The following ANKRD36C variants were observed in gnomAD, a reference collection of about 807,000 sequenced individuals.
ANKRD36C encodes the protein ankyrin repeat domain-containing protein 36C.
ANKRD36C carries 61 observed loss-of-function variants against 276.4 expected under a neutral mutation model. The observed-to-expected ratio is 0.22, with a 90% CI of 0.18 to 0.27. ANKRD36C has a LOEUF of 0.27. Among genes scored for constraint, ANKRD36C ranks in the 10% least tolerant of loss-of-function variants. The pLI is 1.00. For synonymous variants in ANKRD36C, 483 were observed against 680.1 expected, an observed-to-expected ratio of 0.71 and a Z score of 4.51; for missense variants, 1,447 against 2,032.3, an observed-to-expected ratio of 0.71 and a Z score of 5.54.
intron 6 of ANKRD36C, among the ~76,000 whole-genome samples, chr2:95,976,495 C>G (rs1678812323): frequency 6.6e-6 from 1 of 152,118 alleles, no homozygotes; most frequent in Non-Finnish European, 1.5e-5. Context: ...TCAGGGGTTT[C>G]AGTACAAACT....
chr2:95,974,890 GA>G (rs1678774014), intron 6 of ANKRD36C, among the ~76,000 whole-genome samples: 1 of 145,922 alleles, frequency 6.9e-6, no homozygotes, highest in African/African-American at 2.6e-5. Flanking sequence ...ACCTATGAGT[GA>G]GAACATGTGG....
intron 60 of ANKRD36C, among the ~76,000 whole-genome samples, chr2:95,862,365 G>A (rs964187571): frequency 2.6e-5 from 4 of 152,006 alleles, no homozygotes; most frequent in South Asian, 2.1e-4. Flanking sequence ...ATTAAAGACC[G>A]ATAACAAAAA....
intron 12 of ANKRD36C, among the ~76,000 whole-genome samples, chr2:95,958,294 T>C (rs779268638): frequency 1.3e-5 from 2 of 151,420 alleles, no homozygotes; most frequent in East Asian, 1.9e-4. Flanking sequence ...TTGATGGAGA[T>C]ACGCTGTAGA....
At chr2:95,915,588 A>G (rs1677068111) in intron 38 of ANKRD36C, among the ~76,000 whole-genome samples, 1 of 151,432 alleles carries the variant, frequency 6.6e-6, no homozygotes, top group South Asian at 2.1e-4. Flanking sequence ...TACAGTGTCT[A>G]CCGGTTATTA....
chr2:95,886,360 G>C lies in ANKRD36C; in HGVS notation c.3062-116C>G, dbSNP rs1573740233. 1.1e-5 allele frequency: 10 copies of C among 889,526 alleles called. No homozygotes were observed. In the East Asian group the frequency reaches 2.7e-4, roughly 24 times the overall value. The allele number at this position is 889,526 out of a possible 1,614,324, so 55.1% of individuals were successfully genotyped here. A position where few individuals can be genotyped will look rare whatever the true frequency, so the allele number is the denominator to read the frequency against. ...GTCTGCAGTTATTAGTGTAGGCTTT[G>C]ATGCTTTATACTTTGTGTTTTGGGA... On this transcript the variant is annotated intron_variant, in intron 50 of 66. Coordinates refer to ENST00000456556, the Ensembl canonical transcript of ANKRD36C.
chr2:95,928,578 C>A (rs186798874), intron 26 of ANKRD36C, among the ~76,000 whole-genome samples: 1 of 151,424 alleles, frequency 6.6e-6, no homozygotes, highest in Non-Finnish European at 1.5e-5. Context: ...TACATAAATA[C>A]CTTCTTTTTC....
intron 10 of ANKRD36C, 99 bp downstream of exon 10, chr2:95,960,374 A>G: frequency 7.1e-7 from 1 of 1,404,864 alleles, no homozygotes; most frequent in South Asian, 1.3e-5. Context: ...CTGAATCAGA[A>G]TGTGCAGCTT....
rs1199955203 is a variant in ANKRD36C, at chr2:95,975,538, A to G, written c.799+2584T>C. On this transcript the variant is annotated intron_variant, in intron 6 of 66. Transcript: ENST00000456556. ...ACAAGCAATGGGGAAAGGATTCCCT[A>G]TTTAATAAATGGTGCTGGGAAAACT... Among the ~76,000 whole-genome samples the G allele has an allele frequency of 5.3e-4, 81 of 152,320 alleles. 1 individual carries two copies. Among genetic ancestry groups the G allele is most frequent in the Admixed American group, 4.3e-3 (66 of 15,292 alleles).
intron 48 of ANKRD36C, among the ~76,000 whole-genome samples, chr2:95,889,383 C>G (rs1263203310): frequency 6.6e-6 from 1 of 151,560 alleles, no homozygotes; most frequent in Non-Finnish European, 1.5e-5. Flanking sequence ...GCTCTTGTTA[C>G]TTCTCATTCT....
rs1676876720 is a variant in ANKRD36C, at chr2:95,910,362, T to A, written c.2653+1882A>T. On this transcript the variant is annotated intron_variant, in intron 42 of 66. Coordinates refer to ENST00000456556, the Ensembl canonical transcript of ANKRD36C. Reference sequence around the variant, plus strand: ...GACAGAACACGACATTAAATCTGTTTTCAAAATTACCTGTCCTAGATTTTT... The same window carrying A: ...GACAGAACACGACATTAAATCTGTTATCAAAATTACCTGTCCTAGATTTTT... 1 of 1,533,706 alleles carries A rather than the reference T, an allele frequency of 6.5e-7. No homozygotes were observed. The highest frequency in any genetic ancestry group is 8.8e-7 in the Non-Finnish European group (1 of 1,140,470).
chr2:95,874,078 A>G (rs958541452), intron 59 of ANKRD36C, among the ~76,000 whole-genome samples: 1 of 152,124 alleles, frequency 6.6e-6, no homozygotes, highest in East Asian at 1.9e-4. Flanking sequence ...AGGAAGAATC[A>G]GTATGGTTAA....
At chr2:95,889,674 G>T in intron 48 of ANKRD36C, 125 bp downstream of exon 68, 1 of 1,339,920 alleles carries the variant, frequency 7.5e-7, no homozygotes, top group Non-Finnish European at 1.0e-6. Flanking sequence ...TATTACAAAT[G>T]AATAATCTCA....
chr2:95,941,897 T>A (rs1677902155), intron 19 of ANKRD36C, among the ~76,000 whole-genome samples: 1 of 152,312 alleles, frequency 6.6e-6, no homozygotes, highest in South Asian at 2.1e-4. Context: ...CGAGAAATGG[T>A]TAAAGGTAGA....
chr2:95,889,858 T>G (rs1351635195), exon 48 of ANKRD36C: 1 of 1,604,440 alleles, frequency 6.2e-7, no homozygotes, highest in Admixed American at 1.7e-5. Context: ...AGAATTTTCC[T>G]TGTCACTTGT....
intron 17 of ANKRD36C, among the ~76,000 whole-genome samples, chr2:95,947,751 G>C (rs1189074991): frequency 6.6e-6 from 1 of 152,076 alleles, no homozygotes; most frequent in Non-Finnish European, 1.5e-5. Flanking sequence ...CAATAAAAAA[G>C]ACTTGGAAAA....
At chr2:95,957,331 T>C (rs1426603361) in intron 12 of ANKRD36C, among the ~76,000 whole-genome samples, 1 of 152,302 alleles carries the variant, frequency 6.6e-6, no homozygotes, top group East Asian at 1.9e-4. Flanking sequence ...ATATTCATCA[T>C]GCTCTTTGAC....
rs1192300152 is a variant in ANKRD36C, at chr2:95,927,413, A to G, written c.1838-4T>C. The stretch of plus-strand genomic sequence containing the variant: ...GCTGGTTGTTTCTGAGAAGACACTG[A>G]AAAGCAAAAGGGATACATAATCACT... On this transcript the variant is annotated splice_polypyrimidine_tract_variant and splice_region_variant and intron_variant, in intron 26 of 66. Transcript: ENST00000456556. 1 of 1,606,030 alleles carries G rather than the reference A, an allele frequency of 6.2e-7. No homozygotes were observed. Among genetic ancestry groups the G allele is most frequent in the East Asian group, 2.2e-5 (1 of 44,774 alleles).
chr2:95,916,101 T>A, intron 37 of ANKRD36C, 42 bp downstream of exon 39: 2 of 1,604,822 alleles, frequency 1.2e-6, no homozygotes, highest in Non-Finnish European at 1.7e-6. Flanking sequence ...TTTCATAGGC[T>A]ATACGTTTAC....
chr2:95,961,269 G>T (rs1310595029), intron 8 of ANKRD36C, among the ~76,000 whole-genome samples: 4 of 152,012 alleles, frequency 2.6e-5, no homozygotes, highest in Admixed American at 6.6e-5. Flanking sequence ...GAGTCATAAT[G>T]TGCCTACATT....
Sources: allele counts gnomAD v4.1 joint callset (sites outside exome capture counted in the v4.1 genomes callset), GRCh38; gene constraint gnomAD v4.1.1; transcripts MANE v1.5; gene names NCBI Gene and HGNC (gene_info 2026-07-23, HGNC 2026-07-21).